PI4KA: variants seen among roughly 807,000 people sequenced by gnomAD.
PI4KA encodes the protein phosphatidylinositol 4-kinase alpha.
In PI4KA, 122 loss-of-function variants were observed where a neutral mutation model predicts 271.4. That is an observed-to-expected ratio of 0.45 (90% CI 0.39 to 0.52). PI4KA has a LOEUF of 0.52. PI4KA is among the 20% of genes least tolerant of loss of function. The pLI is 0.00. For missense variants in PI4KA, 1,969 were observed against 2,769.1 expected, an observed-to-expected ratio of 0.71 and a Z score of 6.48; for synonymous variants, 1,041 against 1,078.8, an observed-to-expected ratio of 0.96 and a Z score of 0.69.
intron 23 of PI4KA, among the ~76,000 whole-genome samples, chr22:20,754,906 C>T (rs769884212): frequency 6.6e-6 from 1 of 152,134 alleles, no homozygotes; most frequent in African/African-American, 2.4e-5. Context: ...TGAGATCATG[C>T]CACTGCACTC....
At chr22:20,786,828 C>A (rs183571304) in intron 19 of PI4KA, 1 of 1,572,282 alleles carries the variant, frequency 6.4e-7, no homozygotes, top group Admixed American at 1.7e-5. Context: ...AACTCTAGCC[C>A]TCTGTGTGCT....
intron 36 of PI4KA, among the ~76,000 whole-genome samples, chr22:20,732,180 ATAAAAT>A (rs1282967927): frequency 6.6e-6 from 1 of 151,762 alleles, no homozygotes; most frequent in African/African-American, 2.4e-5. Context: ...TCTCAAAAAA[ATAAAAT>A]TAAATTAAAT....
Position 20,793,188 on chromosome 22 carries a change from C to A in PI4KA, c.2328+5G>T, listed in dbSNP as rs1442038334. On this transcript the variant is annotated splice_donor_5th_base_variant and intron_variant, in intron 19 of 54. Transcript: ENST00000255882. ...GTTTTTATCATTCAATTAATGAATA[C>A]TCACCACAGCTATTACAGGAATGAG... 6.6e-7 allele frequency: 1 copy of A among 1,508,002 alleles called. No homozygotes were observed. The highest frequency in any genetic ancestry group is 9.2e-7 in the Non-Finnish European group (1 of 1,083,446). 93.4% of individuals were successfully genotyped at this position (1,508,002 alleles called of 1,614,324 possible).
At chr22:20,827,492 C>G (rs1923573646) in intron 3 of PI4KA, among the ~76,000 whole-genome samples, 1 of 152,120 alleles carries the variant, frequency 6.6e-6, no homozygotes, top group African/African-American at 2.4e-5. Flanking sequence ...AATGTGATGT[C>G]TCCAGCTTTA....
chr22:20,748,300 C>T (rs1357357983), intron 28 of PI4KA, among the ~76,000 whole-genome samples: 1 of 152,264 alleles, frequency 6.6e-6, no homozygotes, highest in African/African-American at 2.4e-5. Flanking sequence ...TGCTGAGCAT[C>T]TGCTGTGGTA....
intron 28 of PI4KA, 73 bp from the exon 29 acceptor site, chr22:20,747,775 C>T (rs1317104837): frequency 2.0e-6 from 3 of 1,490,024 alleles, no homozygotes; most frequent in African/African-American, 2.8e-5. Context: ...CGCTCTGTCA[C>T]CCAGGCTGGA....
chr22:20,731,649 G>A (rs1928065043), intron 36 of PI4KA, among the ~76,000 whole-genome samples: 1 of 152,186 alleles, frequency 6.6e-6, no homozygotes, highest in Non-Finnish European at 1.5e-5. Context: ...AAAAAAATTG[G>A]CCGGGCACGG....
At chr22:20,788,545 C>A (rs1934423075) in intron 19 of PI4KA, among the ~76,000 whole-genome samples, 2 of 152,360 alleles carry the variant, frequency 1.3e-5, no homozygotes, top group South Asian at 4.1e-4. Context: ...CACACCCAGG[C>A]AGGGGGACCC....
rs961663643 is a variant in PI4KA at position 20,818,558 on chromosome 22, C to A, written c.790-9G>T. On this transcript the variant is annotated splice_polypyrimidine_tract_variant and intron_variant, in intron 6 of 54. Transcript: ENST00000255882. ...CCGCGTTCAGGGCTGACCTGAAACACACAACCACAGTTACATATCAGAAAA... is the reference window on the plus strand; with the variant it reads ...CCGCGTTCAGGGCTGACCTGAAACAAACAACCACAGTTACATATCAGAAAA... 2.0e-6 allele frequency: 3 copies of A among 1,531,220 alleles called. No individual in the cohort carries two copies. The highest frequency in any genetic ancestry group is 1.7e-4 in the Middle Eastern group (1 of 5,834). 94.9% of individuals were successfully genotyped at this position (1,531,220 alleles called of 1,614,324 possible).
intron 11 of PI4KA, among the ~76,000 whole-genome samples, chr22:20,804,601 G>T (rs1935526769): frequency 6.6e-6 from 1 of 152,130 alleles, no homozygotes; most frequent in Non-Finnish European, 1.5e-5. Flanking sequence ...TCCCCGCAGT[G>T]TTCATTCCAC....
chr22:20,750,686 T>C (rs780185671), intron 27 of PI4KA, among the ~76,000 whole-genome samples: 1 of 152,174 alleles, frequency 6.6e-6, no homozygotes, highest in Non-Finnish European at 1.5e-5. Flanking sequence ...CACCACTCTG[T>C]GGGAAACTCC....
intron 22 of PI4KA, among the ~76,000 whole-genome samples, chr22:20,763,025 G>GT (rs1932149049): frequency 1.1e-5 from 1 of 89,530 alleles, no homozygotes; most frequent in Non-Finnish European, 2.1e-5. Context: ...TTTGGGGGGG[G>GT]GGGGGGTTAG....
chr22:20,849,550 T>G (rs1375881249), intron 1 of PI4KA, among the ~76,000 whole-genome samples: 1 of 152,014 alleles, frequency 6.6e-6, no homozygotes, highest in Non-Finnish European at 1.5e-5. Flanking sequence ...ACCTTGAAAA[T>G]ACGCCAAGTA....
intron 19 of PI4KA, among the ~76,000 whole-genome samples, chr22:20,777,652 G>A (rs1010952492): frequency 1.3e-5 from 2 of 152,178 alleles, no homozygotes; most frequent in African/African-American, 2.4e-5. Flanking sequence ...GCGCCTGGCC[G>A]GCAGTTCTTT....
chr22:20,838,862 G>T, intron 1 of PI4KA, 131 bp from the exon 2 acceptor site: 1 of 605,754 alleles, frequency 1.7e-6, no homozygotes, highest in African/African-American at 1.9e-5. Flanking sequence ...AGGATAACTT[G>T]AGTTGGGAGT....
intron 44 of PI4KA, 44 bp downstream of exon 44, chr22:20,718,649 T>C (rs1223128398): frequency 6.2e-7 from 1 of 1,606,902 alleles, no homozygotes; most frequent in Non-Finnish European, 8.5e-7. Context: ...CTGCAGGGAC[T>C]GGAAGGAGAT....
chr22:20,750,129 G>C, intron 27 of PI4KA, 135 bp from the exon 28 acceptor site: 1 of 640,700 alleles, frequency 1.6e-6, no homozygotes, highest in Non-Finnish European at 2.9e-6. Context: ...CCTCAGAGTG[G>C]AACTCATTTG....
At chr22:20,793,828 A>C (rs752956516) in intron 18 of PI4KA, among the ~76,000 whole-genome samples, 8 of 152,264 alleles carry the variant, frequency 5.3e-5, no homozygotes, top group Non-Finnish European at 1.0e-4. Context: ...GGCTAGACAC[A>C]CAAATGTAGC....
rs1207890990 is a variant in PI4KA at position 20,763,007 on chromosome 22, CT to C, written c.2709-1622del. On this transcript the variant is annotated intron_variant, in intron 22 of 54. Transcript: ENST00000255882. ...CACCACAACTGGCTAGGTTTTTTTG[CT>C]TTTTTTTTTGGGGGGGGGGGGGGTT... Among the ~76,000 whole-genome samples the C allele has an allele frequency of 1.8e-3, 24 of 13,560 alleles. 2 individuals carry two copies. The highest frequency in any genetic ancestry group is 6.3e-3 in the East Asian group (3 of 474). The allele number at this position is 13,560 out of a possible 152,430, so 8.9% of individuals were successfully genotyped here.
Sources: gnomAD v4.1 joint callset for allele counts (sites outside exome capture counted in the v4.1 genomes callset) on GRCh38, gnomAD v4.1.1 for gene constraint, MANE v1.5 for transcripts, NCBI Gene and HGNC (gene_info 2026-07-23, HGNC 2026-07-21) for gene names.